Variants in SLC39A8 observed in about 807,000 individuals in gnomAD.
SLC39A8 encodes metal cation symporter ZIP8.
A neutral mutation model predicts 40.4 loss-of-function variants in SLC39A8; 15 were observed. The observed-to-expected ratio is 0.37, with a 90% CI of 0.25 to 0.57. The LOEUF is 0.57. Ranked by LOEUF, SLC39A8 falls within the 20% of genes least tolerant of loss-of-function variation. SLC39A8 has a pLI of 0.75. For synonymous variants in SLC39A8, 223 were observed against 221.6 expected (o/e 1.01, Z -0.06); for missense variants, 472 against 558.8 (o/e 0.84, Z 1.57).
Position 102,267,560 on chromosome 4 carries a change from T to C in SLC39A8, c.1163A>G (p.Asn388Ser). ...VGLAFGILVGNNFAPNIIFAL... is the reference protein window; with the variant it reads ...VGLAFGILVGSNFAPNIIFAL... ...AAATATAATATTTGGAGCGAAATTG[T>C]TGCCCACCAAAATGCCAAAAGCTAG... The change falls in exon 8 of 9, where the codon AAC (asparagine) becomes AGC (serine). Residue 388 changes from asparagine to serine, a missense_variant. Coordinates refer to ENST00000356736, the MANE Select transcript of SLC39A8 (RefSeq NM_001135146.2). 1 of 1,614,034 alleles carries C rather than the reference T, an allele frequency of 6.2e-7. No individual in the cohort carries two copies. The highest frequency in any genetic ancestry group is 8.5e-7 in the Non-Finnish European group (1 of 1,179,992).
chr4:102,264,194 TAAATG>T (rs1461290648), intron 8 of SLC39A8, among the ~76,000 whole-genome samples: 1 of 152,216 alleles, frequency 6.6e-6, no homozygotes, highest in African/African-American at 2.4e-5. Flanking sequence ...AAATTATTCT[TAAATG>T]ATATGATTTG....
At chr4:102,272,773 T>C (rs1732428571) in intron 6 of SLC39A8, among the ~76,000 whole-genome samples, 1 of 151,812 alleles carries the variant, frequency 6.6e-6, no homozygotes. Context: ...CTATTCAGGA[T>C]GGTTAGACAG....
chr4:102,329,468 C>T (rs1354567670), intron 2 of SLC39A8, among the ~76,000 whole-genome samples: 2 of 150,880 alleles, frequency 1.3e-5, no homozygotes, highest in Non-Finnish European at 3.0e-5. Flanking sequence ...ACTAAAAATA[C>T]AAAAATTAGC....
At position 102,267,553 on chromosome 4, in the gene SLC39A8, G is replaced by A. The variant is rs143526887; in HGVS notation, c.1170C>T (p.Phe390=). 64 of 1,613,974 alleles carry A rather than the reference G, an allele frequency of 4.0e-5. No individual in the cohort carries two copies. Among genetic ancestry groups the A allele is most frequent in the African/African-American group, 1.5e-4 (11 of 75,038 alleles). ...LAFGILVGNN[F]APNIIFALAG... ...CAAGTGCAAATATAATATTTGGAGC[G>A]AAATTGTTGCCCACCAAAATGCCAA... The change falls in exon 8 of 9, where the codon TTC becomes TTT. Residue 390 remains phenylalanine (F), a synonymous_variant. Coordinates refer to ENST00000356736, the MANE Select transcript of SLC39A8 (RefSeq NM_001135146.2).
rs1003859891 is a variant in SLC39A8, at chr4:102,280,843, TG to T, written c.841-12765del. 9.2e-5 allele frequency among the ~76,000 whole-genome samples: 14 copies of T among 152,328 alleles called. No individual in the cohort carries two copies. The East Asian group carries it at 2.5e-3, about 27-fold the overall frequency. Reference sequence around the variant, plus strand: ...CCTGTCTCTCCAATCCTGTGGAATGTGAGTAAAGTTGTTTTGGTCTTTAGTA... The same window carrying T: ...CCTGTCTCTCCAATCCTGTGGAATGTAGTAAAGTTGTTTTGGTCTTTAGTA... On this transcript the variant is annotated intron_variant, in intron 6 of 8. Transcript: ENST00000356736.
rs1200278685 is a variant in SLC39A8 at position 102,344,492 on chromosome 4, G to A, written c.171C>T (p.Ala57=). 2.6e-6 allele frequency: 4 copies of A among 1,553,992 alleles called. No homozygotes were observed. Among genetic ancestry groups the A allele is most frequent in the Admixed American group, 1.9e-5 (1 of 52,066 alleles). The change falls in exon 2 of 9, where the codon GCC becomes GCT. Residue 57 remains alanine, a synonymous_variant. Transcript: ENST00000356736. ...QLQHLLEQMG[A]ASRVGVPEPG... is the part of the protein sequence containing the mutation. ...GCTCCGGGACGCCCACGCGGGAGGC[G>A]GCTCCCATCTGCTCCAGCAAGTGCT... is the stretch of plus-strand genomic sequence containing the variant.
At chr4:102,299,896 A>G (rs531162431) in intron 6 of SLC39A8, among the ~76,000 whole-genome samples, 211 of 151,992 alleles carry the variant, frequency 1.4e-3, no homozygotes, top group Middle Eastern at 6.8e-3. Flanking sequence ...TCCAACAAAC[A>G]CCAAGGCTGT....
intron 6 of SLC39A8, 134 bp downstream of exon 6, chr4:102,304,183 C>T: frequency 1.7e-6 from 1 of 581,152 alleles, no homozygotes; most frequent in South Asian, 2.9e-5. Flanking sequence ...GACTTACATT[C>T]CAGTTACCCC....
chr4:102,270,290 A>G (rs151403), intron 6 of SLC39A8, among the ~76,000 whole-genome samples: 94,567 of 152,018 alleles, frequency 0.62, 29,968 homozygotes, highest in Middle Eastern at 0.73. Flanking sequence ...AATGATTCTC[A>G]TACCTCTAAG....
At chr4:102,328,676 C>A (rs1261805849) in intron 2 of SLC39A8, among the ~76,000 whole-genome samples, 1 of 152,138 alleles carries the variant, frequency 6.6e-6, no homozygotes, top group Non-Finnish European at 1.5e-5. Flanking sequence ...CCAGGTAAAC[C>A]CAGTCCTTTG....
At chr4:102,295,140 T>C (rs1386681001) in intron 6 of SLC39A8, among the ~76,000 whole-genome samples, 1 of 148,062 alleles carries the variant, frequency 6.8e-6, no homozygotes, top group Non-Finnish European at 1.5e-5. Context: ...TATAAAACTT[T>C]ATATATGTGT....
intron 6 of SLC39A8, among the ~76,000 whole-genome samples, chr4:102,292,613 T>C (rs1733498772): frequency 6.6e-6 from 1 of 152,112 alleles, no homozygotes; most frequent in Admixed American, 6.6e-5. Flanking sequence ...AAATCTGGCA[T>C]ATGATTCGAT....
chr4:102,299,929 C>T (rs948753554), intron 6 of SLC39A8, among the ~76,000 whole-genome samples: 11 of 151,978 alleles, frequency 7.2e-5, no homozygotes, highest in Admixed American at 6.6e-4. Flanking sequence ...GAGCCCCACC[C>T]GGCTGCAGAG....
At chr4:102,319,721 C>T (rs1734823120) in intron 2 of SLC39A8, among the ~76,000 whole-genome samples, 1 of 151,990 alleles carries the variant, frequency 6.6e-6, no homozygotes. Flanking sequence ...TCTCTTTTCC[C>T]CTTGTGATCA....
rs1230169232 is a variant in SLC39A8 at position 102,262,097 on chromosome 4, T to G, written c.*947A>C. Reference sequence around the variant, plus strand: ...AGGAACATATGTTTTCCAGTTAATCTGTCCTTGATGTACAGCAGTCCAGCT... The same window carrying G: ...AGGAACATATGTTTTCCAGTTAATCGGTCCTTGATGTACAGCAGTCCAGCT... On this transcript the variant is annotated 3_prime_UTR_variant, in exon 9 of 9. Transcript: ENST00000356736. 1 of 985,896 alleles carries G rather than the reference T, an allele frequency of 1.0e-6. No individual in the cohort carries two copies. Among genetic ancestry groups the G allele is most frequent in the Admixed American group, 6.1e-5 (1 of 16,266 alleles). 61.1% of individuals were successfully genotyped at this position (985,896 alleles called of 1,614,324 possible). A position where few individuals can be genotyped will look rare whatever the true frequency, so the allele number is the denominator to read the frequency against.
chr4:102,281,210 G>A (rs894910685), intron 6 of SLC39A8, among the ~76,000 whole-genome samples: 2 of 152,126 alleles, frequency 1.3e-5, no homozygotes, highest in Admixed American at 1.3e-4. Flanking sequence ...GAGGCACCAG[G>A]AAATTGTTTA....
chr4:102,291,722 A>G (rs1209648607), intron 6 of SLC39A8, among the ~76,000 whole-genome samples: 1 of 151,882 alleles, frequency 6.6e-6, no homozygotes, highest in African/African-American at 2.4e-5. Flanking sequence ...AGCACATGGG[A>G]CTTTGTCCAT....
At chr4:102,258,097 G>GTTTT (rs1270948341), downstream of SLC39A8, among the ~76,000 whole-genome samples, 63 of 136,674 alleles carry the variant, frequency 4.6e-4, 1 homozygote, top group African/African-American at 2.1e-3. Context: ...GTAAGTAAGT[G>GTTTT]TTTTTTGTTT....
At chr4:102,344,985 C>T (rs1159406780) in intron 1 of SLC39A8, 70 bp from the exon 2 acceptor site, 4 of 1,018,340 alleles carry the variant, frequency 3.9e-6, no homozygotes, top group Non-Finnish European at 4.9e-6. Context: ...GCTCCAGAAA[C>T]GCTGCGTGGC....
Sources: gnomAD v4.1 joint callset for allele counts (sites outside exome capture counted in the v4.1 genomes callset) on GRCh38, gnomAD v4.1.1 for gene constraint, MANE v1.5 for transcripts, NCBI Gene and HGNC (gene_info 2026-07-23, HGNC 2026-07-21) for gene names.